The following SQOR variants were observed in gnomAD, a reference collection of about 807,000 sequenced individuals.
SQOR encodes sulfide quinone oxidoreductase, also known as sulfide:quinone oxidoreductase, mitochondrial.
Under a neutral mutation model 48.6 loss-of-function variants are expected in SQOR, and 39 were observed. The observed-to-expected ratio is 0.80, with a 90% CI of 0.62 to 1.05. The LOEUF (loss-of-function observed/expected upper bound fraction) is 1.05. Ranked by LOEUF, SQOR falls within the 50% of genes least tolerant of loss-of-function variation. The pLI is 0.00. For missense variants in SQOR, 561 were observed against 559.9 expected, an observed-to-expected ratio of 1.00 and a Z score of -0.02; for synonymous variants, 220 against 206.2, an observed-to-expected ratio of 1.07 and a Z score of -0.57.
At chr15:45,680,084 T>TTTC in intron 6 of SQOR, among the ~76,000 whole-genome samples, 1 of 147,144 alleles carries the variant, frequency 6.8e-6, no homozygotes. Context: ...TGTTTGTTTT[T>TTTC]TTCTTTCTTT....
intron 6 of SQOR, among the ~76,000 whole-genome samples, chr15:45,680,352 C>T (rs1370098019): frequency 2.0e-5 from 3 of 152,108 alleles, no homozygotes; most frequent in African/African-American, 7.2e-5. Context: ...CCTTGGCCTC[C>T]CAAAGTGTTG....
chr15:45,636,464 C>T (rs933973093), intron 1 of SQOR, among the ~76,000 whole-genome samples: 17 of 146,288 alleles, frequency 1.2e-4, no homozygotes, highest in African/African-American at 4.1e-4. Context: ...AGTGCAGTGG[C>T]GCGATCTCGG....
chr15:45,680,386 A>T (rs1890106766), intron 6 of SQOR, among the ~76,000 whole-genome samples: 1 of 150,886 alleles, frequency 6.6e-6, no homozygotes, highest in African/African-American at 2.4e-5. Context: ...GAGCCACCAC[A>T]CCTGGCCCAA....
chr15:45,649,627 C>G (rs1889424440), intron 1 of SQOR, among the ~76,000 whole-genome samples: 1 of 151,816 alleles, frequency 6.6e-6, no homozygotes, highest in Non-Finnish European at 1.5e-5. Context: ...TTACAGGCAC[C>G]TGCCTCCATG....
At chr15:45,650,119 A>G (rs931908318) in intron 1 of SQOR, among the ~76,000 whole-genome samples, 15 of 152,090 alleles carry the variant, frequency 9.9e-5, no homozygotes, top group Admixed American at 5.2e-4. Context: ...CTGGGATTAC[A>G]GGCACGAGCC....
At chr15:45,636,525 T>G (rs1206723585) in intron 1 of SQOR, among the ~76,000 whole-genome samples, 1 of 151,806 alleles carries the variant, frequency 6.6e-6, no homozygotes, top group Non-Finnish European at 1.5e-5. Context: ...TGCCTCAGCC[T>G]CCCGAGTAGA....
At chr15:45,690,524 G>A (rs985220454) in intron 9 of SQOR, among the ~76,000 whole-genome samples, 2 of 152,150 alleles carry the variant, frequency 1.3e-5, no homozygotes, top group Non-Finnish European at 2.9e-5. Flanking sequence ...ACACTTTTTG[G>A]TTGTTACAAC....
At chr15:45,683,111 G>T (rs533960998) in intron 7 of SQOR, among the ~76,000 whole-genome samples, 36 of 151,998 alleles carry the variant, frequency 2.4e-4, no homozygotes, top group African/African-American at 8.4e-4. Flanking sequence ...TACCTTTTGA[G>T]TGCTTTGCCC....
intron 4 of SQOR, among the ~76,000 whole-genome samples, chr15:45,673,105 G>A (rs1889972326): frequency 6.6e-6 from 1 of 152,212 alleles, no homozygotes; most frequent in South Asian, 2.1e-4. Context: ...ATGCTAGTAA[G>A]TGGAAGAGCC....
chr15:45,677,177 TCTTC>T (rs146339178), intron 6 of SQOR, among the ~76,000 whole-genome samples: 19,893 of 151,996 alleles, frequency 0.13, 1,368 homozygotes, highest in Middle Eastern at 0.2. Context: ...TCATTTGATT[TCTTC>T]CTTCCTTCCT....
In SQOR at chr15:45,659,169, CT is replaced by C. The variant is rs1889674061; in HGVS notation, c.234+16del. ...TTGAGCCCAGTGAGGTAAGCCTCCC[CT>C]TTTGAGGGCCTGGGTGTGTGTGTAC... is the stretch of plus-strand genomic sequence containing the variant. On this transcript the variant is annotated intron_variant, in intron 2 of 9. Coordinates refer to ENST00000260324, the MANE Select transcript of SQOR (RefSeq NM_021199.4). 2 of 1,500,848 alleles carry C rather than the reference CT, an allele frequency of 1.3e-6. No individual in the cohort carries two copies. The highest frequency in any genetic ancestry group is 1.8e-6 in the Non-Finnish European group (2 of 1,115,390). The allele number at this position is 1,500,848 out of a possible 1,614,324, so 93.0% of individuals were successfully genotyped here. A position where few individuals can be genotyped will look rare whatever the true frequency, so the allele number is the denominator to read the frequency against.
At chr15:45,641,710 A>G (rs1344244792) in intron 1 of SQOR, among the ~76,000 whole-genome samples, 1 of 152,206 alleles carries the variant, frequency 6.6e-6, no homozygotes, top group Non-Finnish European at 1.5e-5. Flanking sequence ...TCTCGGAACA[A>G]CACTCATTCA....
chr15:45,671,915 C>A (rs572643734), intron 4 of SQOR, among the ~76,000 whole-genome samples: 1 of 152,314 alleles, frequency 6.6e-6, no homozygotes, highest in Non-Finnish European at 1.5e-5. Flanking sequence ...TTCCCTGACT[C>A]TCCCTTTCCC....
At chr15:45,689,947 T>G (rs893862174) in intron 9 of SQOR, among the ~76,000 whole-genome samples, 1 of 152,164 alleles carries the variant, frequency 6.6e-6, no homozygotes, top group African/African-American at 2.4e-5. Flanking sequence ...TGTTTAAATT[T>G]CTCATCTGCA....
At chr15:45,690,773 C>A (rs1890309058) in intron 9 of SQOR, among the ~76,000 whole-genome samples, 200 bp from the exon 10 acceptor site, 1 of 152,214 alleles carries the variant, frequency 6.6e-6, no homozygotes, top group Non-Finnish European at 1.5e-5. Context: ...GCTCACACAG[C>A]AAGTCTTTGT....
chr15:45,682,372 C>T, intron 6 of SQOR, 106 bp from the exon 7 acceptor site: 1 of 1,183,784 alleles, frequency 8.4e-7, no homozygotes, highest in Non-Finnish European at 1.2e-6. Context: ...TATAATGCTC[C>T]ATGCAGCCAT....
At chr15:45,681,720 C>T (rs1052908945) in intron 6 of SQOR, among the ~76,000 whole-genome samples, 2 of 152,028 alleles carry the variant, frequency 1.3e-5, no homozygotes, top group African/African-American at 4.8e-5. Flanking sequence ...TAAGAACCAA[C>T]TACAAAACGT....
chr15:45,664,503 C>A (rs1462928690), intron 3 of SQOR, among the ~76,000 whole-genome samples: 2 of 152,110 alleles, frequency 1.3e-5, no homozygotes, highest in African/African-American at 4.8e-5. Context: ...CCAGCCCCCT[C>A]TTTATTCTGC....
intron 6 of SQOR, among the ~76,000 whole-genome samples, chr15:45,676,793 C>T (rs1490912178): frequency 6.6e-6 from 1 of 152,200 alleles, no homozygotes; most frequent in Admixed American, 6.5e-5. Context: ...GTAATCCCAG[C>T]ACTTTGGAAG....
Sources: allele counts gnomAD v4.1 joint callset (sites outside exome capture counted in the v4.1 genomes callset), GRCh38; gene constraint gnomAD v4.1.1; transcripts MANE v1.5; gene names NCBI Gene and HGNC (gene_info 2026-07-23, HGNC 2026-07-21).